FREM2: variants seen among roughly 807,000 people sequenced by gnomAD.
FREM2 encodes FRAS1 related extracellular matrix 2, also known as FRAS1-related extracellular matrix protein 2.
FREM2 carries 119 observed loss-of-function variants against 219.9 expected under a neutral mutation model. The observed-to-expected ratio is 0.54, with a 90% CI of 0.47 to 0.63. FREM2 has a LOEUF of 0.63. Ranked by LOEUF, FREM2 falls within the 30% of genes least tolerant of loss-of-function variation. The probability of loss-of-function intolerance (pLI) is 0.00; values close to 1 mark genes in which losing one functional copy is unlikely to be tolerated. For synonymous variants in FREM2, 1,562 were observed against 1,522.8 expected, an observed-to-expected ratio of 1.03 and a Z score of -0.60; for missense variants, 4,030 against 3,993.6, an observed-to-expected ratio of 1.01 and a Z score of -0.25.
At chr13:38,730,865 TAA>T (rs2138120027) in intron 2 of FREM2, among the ~76,000 whole-genome samples, 1 of 151,556 alleles carries the variant, frequency 6.6e-6, no homozygotes, top group East Asian at 1.9e-4. Context: ...TTTTGAAGTG[TAA>T]AGACTTACTC....
intron 2 of FREM2, among the ~76,000 whole-genome samples, chr13:38,705,772 C>T (rs1040581115): frequency 7.2e-5 from 11 of 152,156 alleles, no homozygotes; most frequent in Non-Finnish European, 1.3e-4. Flanking sequence ...TGAGGGCTTC[C>T]AGAGCTATGC....
chr13:38,874,157 C>A (rs1235365159), intron 17 of FREM2, among the ~76,000 whole-genome samples: 1 of 152,186 alleles, frequency 6.6e-6, no homozygotes, highest in East Asian at 1.9e-4. Context: ...GAATCTCCAT[C>A]ATTTTGACAA....
chr13:38,864,804 A>C (rs1231137836), intron 16 of FREM2, among the ~76,000 whole-genome samples, 198 bp downstream of exon 16: 3 of 148,982 alleles, frequency 2.0e-5, no homozygotes, highest in Non-Finnish European at 3.0e-5. Context: ...GAATATACGT[A>C]GTTTTTGACA....
Position 38,840,473 on chromosome 13 carries a change from G to A in FREM2, c.6020-6100G>A, listed in dbSNP as rs531351467. 6.7e-5 allele frequency among the ~76,000 whole-genome samples: 10 copies of A among 148,564 alleles called. No individual in the cohort carries two copies. The South Asian group carries it at 2.1e-3, about 32-fold the overall frequency. ...GTCTGGCTCTGTCACCCAGGCTGGA[G>A]TGCAATGGTGCAATATTGGCCCACT... On this transcript the variant is annotated intron_variant, in intron 6 of 23. Transcript: ENST00000280481.
intron 6 of FREM2, among the ~76,000 whole-genome samples, chr13:38,840,077 T>C (rs959014767): frequency 6.6e-6 from 1 of 152,138 alleles, no homozygotes; most frequent in Non-Finnish European, 1.5e-5. Context: ...CTCAGGGCCC[T>C]GGTGGTATAG....
chr13:38,854,154 A>C (rs745996600), intron 11 of FREM2, among the ~76,000 whole-genome samples: 5 of 151,646 alleles, frequency 3.3e-5, no homozygotes, highest in Non-Finnish European at 7.4e-5. Flanking sequence ...TATAGAAAAA[A>C]AGTTGAAATT....
chr13:38,739,471 C>G (rs752735434), intron 2 of FREM2, among the ~76,000 whole-genome samples: 4 of 152,118 alleles, frequency 2.6e-5, no homozygotes, highest in Non-Finnish European at 5.9e-5. Flanking sequence ...TCAGCATGTT[C>G]CTGCCCCATT....
chr13:38,830,819 G>A (rs572322073), intron 6 of FREM2, among the ~76,000 whole-genome samples: 1 of 152,158 alleles, frequency 6.6e-6, no homozygotes, highest in African/African-American at 2.4e-5. Flanking sequence ...TCCATCTCGG[G>A]AACCTCTGCA....
chr13:38,806,375 T>A (rs1052608863), intron 6 of FREM2, among the ~76,000 whole-genome samples: 2 of 151,916 alleles, frequency 1.3e-5, no homozygotes, highest in Non-Finnish European at 2.9e-5. Context: ...CTCCTAGAAC[T>A]TGGGAAGTTT....
At chr13:38,743,236 G>C (rs1176874639) in intron 2 of FREM2, among the ~76,000 whole-genome samples, 2 of 151,628 alleles carry the variant, frequency 1.3e-5, no homozygotes, top group Non-Finnish European at 2.9e-5. Context: ...TTCTACCCAG[G>C]TTTTTCTCAT....
intron 6 of FREM2, among the ~76,000 whole-genome samples, chr13:38,839,217 C>T (rs1876841760): frequency 6.6e-6 from 1 of 152,168 alleles, no homozygotes; most frequent in Non-Finnish European, 1.5e-5. Flanking sequence ...CAGTCAGGTC[C>T]CTCTTCTGCA....
intron 15 of FREM2, among the ~76,000 whole-genome samples, chr13:38,863,066 T>C (rs1164233633): frequency 6.6e-6 from 1 of 152,176 alleles, no homozygotes; most frequent in Admixed American, 6.5e-5. Context: ...AATTTTTTTT[T>C]TGAGGCAGAG....
chr13:38,856,769 T>A (rs1289702912), intron 12 of FREM2, among the ~76,000 whole-genome samples: 3 of 151,812 alleles, frequency 2.0e-5, no homozygotes, highest in Non-Finnish European at 4.4e-5. Context: ...CTTACTTAAT[T>A]TATATTGTCT....
intron 6 of FREM2, among the ~76,000 whole-genome samples, chr13:38,831,671 G>A (rs1217414789): frequency 6.8e-6 from 1 of 147,926 alleles, no homozygotes; most frequent in Non-Finnish European, 1.5e-5. Context: ...GTTCAGTGGT[G>A]TGATTTTGGC....
At chr13:38,816,641 A>G (rs1474585530) in intron 6 of FREM2, among the ~76,000 whole-genome samples, 3 of 150,700 alleles carry the variant, frequency 2.0e-5, no homozygotes, top group Non-Finnish European at 1.5e-5. Context: ...GAAAAATTGT[A>G]AGCTTTTCCT....
chr13:38,689,828 G>A lies in FREM2; in HGVS notation c.2484G>A (p.Gln828=). The change falls in exon 1 of 24, where the codon CAG becomes CAA. Residue 828 remains glutamine, a synonymous_variant. Transcript: ENST00000280481. ...TTTACTTGCATCCCGTGGACAACCA[G>A]CCACCTGAGATCCTCAACACCGGCT... ...FTLYLHPVDN[Q]PPEILNTGFT... The A allele has an allele frequency of 6.2e-7, 1 of 1,614,118 alleles. No homozygotes were observed. The highest frequency in any genetic ancestry group is 8.5e-7 in the Non-Finnish European group (1 of 1,180,030).
At chr13:38,778,613 A>G (rs1170869353) in intron 4 of FREM2, among the ~76,000 whole-genome samples, 1 of 152,148 alleles carries the variant, frequency 6.6e-6, no homozygotes, top group Non-Finnish European at 1.5e-5. Context: ...ATGGACACAT[A>G]GCGGGAAACA....
At position 38,718,875 on chromosome 13, in the gene FREM2, A is replaced by G. The variant is rs1331034300; in HGVS notation, c.5263+21088A>G. 7.2e-5 allele frequency among the ~76,000 whole-genome samples: 11 copies of G among 152,344 alleles called. No homozygotes were observed. The East Asian group carries it at 1.7e-3, about 24-fold the overall frequency. On this transcript the variant is annotated intron_variant, in intron 2 of 23. Coordinates refer to ENST00000280481, the MANE Select transcript of FREM2 (RefSeq NM_207361.6). ...AAACTTTACCCTGGTCACTCATTTG[A>G]TTATTACAGGAGCAGTCAGTCGTTT...
intron 13 of FREM2, 32 bp from the exon 14 acceptor site, chr13:38,859,255 C>G (rs774382894): frequency 1.2e-5 from 20 of 1,602,080 alleles, no homozygotes; most frequent in East Asian, 1.1e-4. Context: ...GTTCTACACT[C>G]TGTTCCTAAC....
Sources: gnomAD v4.1 joint callset for allele counts (sites outside exome capture counted in the v4.1 genomes callset) on GRCh38, gnomAD v4.1.1 for gene constraint, MANE v1.5 for transcripts, NCBI Gene and HGNC (gene_info 2026-07-23, HGNC 2026-07-21) for gene names.